Variants in DNAH7 observed in about 807,000 individuals in gnomAD.
DNAH7 encodes the protein dynein axonemal heavy chain 7.
In DNAH7, 397 loss-of-function variants were observed where a neutral mutation model predicts 444.6. The ratio of observed to expected loss-of-function variants is 0.89; its 90% CI spans 0.82 to 0.97. The LOEUF (loss-of-function observed/expected upper bound fraction) is 0.97, where lower values mean the gene tolerates loss of function less well. Ranked by LOEUF, DNAH7 falls within the 50% of genes least tolerant of loss-of-function variation. DNAH7 has a pLI of 0.00. For missense variants in DNAH7, 4,902 were observed against 4,800.8 expected (o/e 1.02, Z -0.62); for synonymous variants, 1,636 against 1,624.4 (o/e 1.01, Z -0.17).
chr2:196,047,040 G>A (rs1287633936), intron 5 of DNAH7, among the ~76,000 whole-genome samples: 2 of 151,472 alleles, frequency 1.3e-5, no homozygotes, highest in Non-Finnish European at 2.9e-5. Flanking sequence ...CCCATCACCT[G>A]AGCAGATGAG....
At position 196,001,689 on chromosome 2, in the gene DNAH7, T is replaced by G; in HGVS notation, c.1159A>C (p.Ile387Leu). ...LVSMQDFTDL[I>L]AQPPDSVRAF... ...ACCATACTTACTGGGGGTTGTGCAA[T>G]TAAGTCCGTGAAATCTTGCATGGAG... Residue 387 changes from isoleucine (I) to leucine (L), a missense_variant, in exon 11 of 65, where the codon ATT becomes CTT. Transcript: ENST00000312428. 6.3e-7 allele frequency: 1 copy of G among 1,575,302 alleles called. No homozygotes were observed. The highest frequency in any genetic ancestry group is 8.6e-7 in the Non-Finnish European group (1 of 1,160,850).
At chr2:195,839,405 A>G (rs1289461597) in intron 47 of DNAH7, among the ~76,000 whole-genome samples, 2 of 151,810 alleles carry the variant, frequency 1.3e-5, no homozygotes, top group Non-Finnish European at 3.0e-5. Flanking sequence ...CATTAAGTCC[A>G]TGGATTAGAA....
chr2:195,795,198 T>A (rs1282680531), intron 56 of DNAH7, among the ~76,000 whole-genome samples: 1 of 152,142 alleles, frequency 6.6e-6, no homozygotes, highest in Non-Finnish European at 1.5e-5. Flanking sequence ...CTGGCCAACA[T>A]GGTGAAACGC....
chr2:195,809,885 G>C lies in DNAH7; in HGVS notation c.9762-14C>G. 1 of 1,489,468 alleles carries C rather than the reference G, an allele frequency of 6.7e-7. No homozygotes were observed. The highest frequency in any genetic ancestry group is 1.4e-5 in the South Asian group (1 of 69,680). 92.3% of individuals were successfully genotyped at this position (1,489,468 alleles called of 1,614,324 possible). A position where few individuals can be genotyped will look rare whatever the true frequency, so the allele number is the denominator to read the frequency against. On this transcript the variant is annotated splice_polypyrimidine_tract_variant and intron_variant, in intron 51 of 64. Coordinates refer to ENST00000312428, the MANE Select transcript of DNAH7 (RefSeq NM_018897.3). Reference sequence around the variant, plus strand: ...AGAATCTGAAGCCTAAGGGTCAACAGAAAATAAAGGAAATAAATAAAAATA... The same window carrying C: ...AGAATCTGAAGCCTAAGGGTCAACACAAAATAAAGGAAATAAATAAAAATA...
intron 24 of DNAH7, among the ~76,000 whole-genome samples, chr2:195,918,870 C>A (rs1014682795): frequency 6.6e-6 from 1 of 152,096 alleles, no homozygotes; most frequent in Non-Finnish European, 1.5e-5. Flanking sequence ...GCAGTAGACC[C>A]TGATATAAAT....
At chr2:195,941,886 G>A (rs4456724) in intron 19 of DNAH7, among the ~76,000 whole-genome samples, 31,940 of 152,028 alleles carry the variant, frequency 0.21, 5,047 homozygotes, top group African/African-American at 0.45. Flanking sequence ...CTAAAATTGA[G>A]TTTTCAGAAG....
At chr2:195,793,428 A>G (rs1695985247) in intron 57 of DNAH7, among the ~76,000 whole-genome samples, 1 of 152,154 alleles carries the variant, frequency 6.6e-6, no homozygotes, top group African/African-American at 2.4e-5. Context: ...GATCTAGAAG[A>G]AAGGGAGGGT....
intron 5 of DNAH7, among the ~76,000 whole-genome samples, chr2:196,041,775 G>C (rs1375899108): frequency 1.3e-5 from 2 of 151,600 alleles, no homozygotes; most frequent in Non-Finnish European, 2.9e-5. Flanking sequence ...CCACAGAATG[G>C]GAGAAAATAT....
chr2:195,832,398 T>C (rs896674893), intron 48 of DNAH7, among the ~76,000 whole-genome samples: 1 of 152,176 alleles, frequency 6.6e-6, no homozygotes, highest in African/African-American at 2.4e-5. Context: ...TAAGTAATTT[T>C]AATTACTTAA....
intron 47 of DNAH7, among the ~76,000 whole-genome samples, chr2:195,835,749 C>T (rs1698336605): frequency 6.6e-6 from 1 of 152,038 alleles, no homozygotes; most frequent in African/African-American, 2.4e-5. Flanking sequence ...GAGGCTGAGG[C>T]AGGAGAATTG....
chr2:195,864,681 C>T lies in DNAH7; in HGVS notation c.6974G>A (p.Arg2325Lys). 1 of 1,614,202 alleles carries T rather than the reference C, an allele frequency of 6.2e-7. No homozygotes were observed. The highest frequency in any genetic ancestry group is 8.5e-7 in the Non-Finnish European group (1 of 1,180,040). ...AGGCTGCTTCAGGATCCTGGAAATT[C>T]TGCTGATGTGCTCTATGGCAAATCG... is the stretch of plus-strand genomic sequence containing the variant. ...LFRFAIEHIS[R>K]ISRILKQPRS... Residue 2325 changes from arginine to lysine, a missense_variant, in exon 41 of 65, where the codon AGA (arginine) becomes AAA (lysine). Arg to Lys is a conservative substitution (Grantham distance 26). Coordinates refer to ENST00000312428, the MANE Select transcript of DNAH7 (RefSeq NM_018897.3).
At chr2:195,961,814 A>G (rs184961153) in intron 17 of DNAH7, among the ~76,000 whole-genome samples, 23 of 152,290 alleles carry the variant, frequency 1.5e-4, no homozygotes, top group Admixed American at 1.5e-3. Flanking sequence ...ATAGAAAAAA[A>G]GTATTATATT....
chr2:196,029,248 A>T (rs1251984137), intron 5 of DNAH7, among the ~76,000 whole-genome samples: 2 of 135,504 alleles, frequency 1.5e-5, no homozygotes, highest in African/African-American at 7.3e-5. Flanking sequence ...GACCTCAGTA[A>T]CTTTTGTTTG....
intron 17 of DNAH7, among the ~76,000 whole-genome samples, chr2:195,966,569 G>A (rs1448640491): frequency 6.6e-6 from 1 of 152,110 alleles, no homozygotes; most frequent in Non-Finnish European, 1.5e-5. Context: ...AGCTATTATT[G>A]TATTGAGGTC....
At chr2:196,001,300 A>G (rs1442022714) in intron 11 of DNAH7, among the ~76,000 whole-genome samples, 1 of 152,220 alleles carries the variant, frequency 6.6e-6, no homozygotes, top group Non-Finnish European at 1.5e-5. Flanking sequence ...TTTCCCAATT[A>G]TGTGAATTTT....
intron 51 of DNAH7, among the ~76,000 whole-genome samples, chr2:195,812,726 A>C (rs1405082238): frequency 6.6e-6 from 1 of 152,188 alleles, no homozygotes; most frequent in African/African-American, 2.4e-5. Context: ...TTAGACCAAT[A>C]TTAAGATTCT....
intron 63 of DNAH7, among the ~76,000 whole-genome samples, chr2:195,742,616 G>T (rs910635439): frequency 2.6e-5 from 4 of 152,158 alleles, no homozygotes; most frequent in Non-Finnish European, 4.4e-5. Context: ...AAAATGACAG[G>T]TAGATGTTAA....
At chr2:195,942,932 T>C (rs1161695980) in intron 19 of DNAH7, among the ~76,000 whole-genome samples, 1 of 152,094 alleles carries the variant, frequency 6.6e-6, no homozygotes, top group Non-Finnish European at 1.5e-5. Context: ...TCACCTTGAA[T>C]TGTAATAACC....
intron 58 of DNAH7, among the ~76,000 whole-genome samples, chr2:195,778,647 T>A (rs1326169595): frequency 0.01 from 544 of 52,514 alleles, 84 homozygotes; most frequent in African/African-American, 0.02. Context: ...TAAATAAATA[T>A]ATATATATAT....
Sources: gnomAD v4.1 joint callset for allele counts (sites outside exome capture counted in the v4.1 genomes callset) on GRCh38, gnomAD v4.1.1 for gene constraint, MANE v1.5 for transcripts, NCBI Gene and HGNC (gene_info 2026-07-23, HGNC 2026-07-21) for gene names.